Variants in SEPTIN11 observed in about 807,000 individuals in gnomAD.
The protein encoded by SEPTIN11 is septin-11.
SEPTIN11 carries 25 observed loss-of-function variants against 51.4 expected under a neutral mutation model. The observed-to-expected ratio is 0.49, with a 90% CI of 0.35 to 0.68. The LOEUF is 0.68. Ranked by LOEUF, SEPTIN11 falls within the 30% of genes least tolerant of loss-of-function variation. The pLI is 0.00. For missense variants in SEPTIN11, 381 were observed against 520.8 expected, an observed-to-expected ratio of 0.73 and a Z score of 2.61; for synonymous variants, 174 against 184.1, an observed-to-expected ratio of 0.95 and a Z score of 0.44.
At chr4:76,959,249 C>A in intron 1 of SEPTIN11, 2 of 161,136 alleles carry the variant, frequency 1.2e-5, no homozygotes, top group Non-Finnish European at 2.7e-5. Context: ...TTGGACAAGA[C>A]AAGGTTTTTT....
Position 77,038,570 on chromosome 4 carries a change from T to A in SEPTIN11, c.*4058T>A. ...AGATAATCTATGCATATATCACTAG[T>A]GCCAAGACATAAAGCGGGGGAAAAT... On this transcript the variant is annotated 3_prime_UTR_variant, in exon 10 of 10. Coordinates refer to ENST00000264893, the MANE Select transcript of SEPTIN11 (RefSeq NM_018243.4). 1 of 994,520 alleles carries A rather than the reference T, an allele frequency of 1.0e-6. No individual in the cohort carries two copies. The highest frequency in any genetic ancestry group is 1.2e-6 in the Non-Finnish European group (1 of 835,612). The allele number at this position is 994,520 out of a possible 1,614,324, so 61.6% of individuals were successfully genotyped here.
chr4:76,997,732 G>T (rs1286103667), intron 2 of SEPTIN11, among the ~76,000 whole-genome samples: 2 of 152,202 alleles, frequency 1.3e-5, no homozygotes, highest in African/African-American at 2.4e-5. Context: ...ACAGAGTGGC[G>T]TGAATGGGTT....
At chr4:76,949,953 C>T in intron 1 of SEPTIN11, 23 bp downstream of exon 1, 1 of 1,458,734 alleles carries the variant, frequency 6.9e-7, no homozygotes, top group Non-Finnish European at 9.0e-7. Context: ...GCCTCGCCTG[C>T]TGCTCCTCGG....
In SEPTIN11 at chr4:77,019,274, C is replaced by G; in HGVS notation, c.784+13C>G. ...GGTGTGGTGCAGGGTATGTGCACAG[C>G]ATGGGAGATGGAGTCTTCATATTTA... On this transcript the variant is annotated intron_variant, in intron 6 of 9. Coordinates refer to ENST00000264893, the MANE Select transcript of SEPTIN11 (RefSeq NM_018243.4). 1 of 1,593,652 alleles carries G rather than the reference C, an allele frequency of 6.3e-7. No individual in the cohort carries two copies. The highest frequency in any genetic ancestry group is 1.1e-5 in the South Asian group (1 of 87,842).
chr4:76,988,389 A>G (rs1723159517), intron 1 of SEPTIN11, among the ~76,000 whole-genome samples: 1 of 152,206 alleles, frequency 6.6e-6, no homozygotes, highest in African/African-American at 2.4e-5. Flanking sequence ...ACAGTGTTCT[A>G]CCCACACTGG....
rs991859610 is a variant in SEPTIN11 at position 77,024,100 on chromosome 4, G to T, written c.953+3430G>T. 6.6e-6 allele frequency among the ~76,000 whole-genome samples: 1 copy of T among 152,100 alleles called. No homozygotes were observed. The highest frequency in any genetic ancestry group is 2.4e-5 in the African/African-American group (1 of 41,414). The stretch of plus-strand genomic sequence containing the variant: ...AGAGTGACCTCTAACACCAAGTCTA[G>T]TAAGAGGCAGTGCCACTGTGTATGT... On this transcript the variant is annotated intron_variant, in intron 7 of 9. Transcript: ENST00000264893. The surrounding 1 kb of genome is among the most constrained non-coding windows in gnomAD (Gnocchi z 4.2).
intron 2 of SEPTIN11, among the ~76,000 whole-genome samples, chr4:77,002,860 A>G (rs923807559): frequency 1.3e-5 from 2 of 152,130 alleles, no homozygotes; most frequent in African/African-American, 2.4e-5. Flanking sequence ...CTGGAATGAC[A>G]TTCAGGATGT....
At chr4:77,011,469 G>A (rs866078421) in intron 3 of SEPTIN11, among the ~76,000 whole-genome samples, 1 of 147,592 alleles carries the variant, frequency 6.8e-6, no homozygotes, top group African/African-American at 2.5e-5. Context: ...CAGGTTTCTC[G>A]CAGAGGGGCC....
At chr4:77,015,157 T>A in intron 5 of SEPTIN11, 140 bp downstream of exon 5, 1 of 692,862 alleles carries the variant, frequency 1.4e-6, no homozygotes, top group Non-Finnish European at 2.3e-6. Context: ...CCACTTCAAG[T>A]CATTTAACCA....
intron 1 of SEPTIN11, chr4:76,995,743 A>G (rs886812849): frequency 2.1e-5 from 30 of 1,429,094 alleles, no homozygotes; most frequent in Non-Finnish European, 2.7e-5. Flanking sequence ...GCCATATCCT[A>G]TGTGATTTTA....
chr4:76,964,608 A>G (rs1335519936), intron 1 of SEPTIN11, among the ~76,000 whole-genome samples: 1 of 152,204 alleles, frequency 6.6e-6, no homozygotes, highest in Non-Finnish European at 1.5e-5. Context: ...TGGTTTAACA[A>G]AGATAGGTCA....
chr4:76,962,598 T>C (rs1250804876), intron 1 of SEPTIN11, among the ~76,000 whole-genome samples: 2 of 152,240 alleles, frequency 1.3e-5, no homozygotes, highest in Non-Finnish European at 2.9e-5. Flanking sequence ...TTAATTCCTT[T>C]CACACCCTGA....
Position 77,034,714 on chromosome 4 carries a change from C to G in SEPTIN11, c.*202C>G. 1.6e-6 allele frequency: 2 copies of G among 1,277,386 alleles called. No homozygotes were observed. The allele number at this position is 1,277,386 out of a possible 1,614,324, so 79.1% of individuals were successfully genotyped here. On this transcript the variant is annotated 3_prime_UTR_variant, in exon 10 of 10. Transcript: ENST00000264893. Reference sequence around the variant, plus strand: ...GAACAAGGGAATAACCGCGAATGCTCTGTGCAGCTGGACTCTGTTTCCGGA... The same window carrying G: ...GAACAAGGGAATAACCGCGAATGCTGTGTGCAGCTGGACTCTGTTTCCGGA...
intron 3 of SEPTIN11, 122 bp from the exon 4 acceptor site, chr4:77,011,613 G>A: frequency 1.2e-6 from 1 of 823,404 alleles, no homozygotes; most frequent in South Asian, 1.7e-5. Context: ...TGGAAGGCCT[G>A]GATACCTAGG....
At position 77,038,508 on chromosome 4, in the gene SEPTIN11, G is replaced by A. The variant is rs138383078; in HGVS notation, c.*3996G>A. ...AAGTGATCACTTAGCAACATGCTTGGTAATTTGGCATCTGTTAAGGTAGGA... is the reference window on the plus strand; with the variant it reads ...AAGTGATCACTTAGCAACATGCTTGATAATTTGGCATCTGTTAAGGTAGGA... On this transcript the variant is annotated 3_prime_UTR_variant, in exon 10 of 10. Coordinates refer to ENST00000264893, the MANE Select transcript of SEPTIN11 (RefSeq NM_018243.4). The A allele has an allele frequency of 5.8e-4, 576 of 985,904 alleles. 3 individuals are homozygous for A. In the African/African-American group the frequency reaches 9.4e-3, roughly 16 times the overall value. 61.1% of individuals were successfully genotyped at this position (985,904 alleles called of 1,614,324 possible).
intron 2 of SEPTIN11, among the ~76,000 whole-genome samples, chr4:77,002,922 T>C (rs765013290): frequency 6.6e-6 from 1 of 152,212 alleles, no homozygotes; most frequent in Non-Finnish European, 1.5e-5. Context: ...ACTTCATCCC[T>C]GCACCTATGC....
chr4:76,953,453 G>A (rs1179908607), intron 1 of SEPTIN11, among the ~76,000 whole-genome samples: 3 of 152,114 alleles, frequency 2.0e-5, no homozygotes, highest in African/African-American at 7.2e-5. Flanking sequence ...TAAAGATGAG[G>A]GCAGGGAGTG....
intron 2 of SEPTIN11, among the ~76,000 whole-genome samples, chr4:76,997,724 A>G (rs559754918): frequency 9.8e-5 from 15 of 152,350 alleles, no homozygotes; most frequent in African/African-American, 3.6e-4. Context: ...CTAGTTCTAC[A>G]GAGTGGCGTG....
In SEPTIN11 at chr4:76,984,471, C is replaced by T. The variant is rs557612465; in HGVS notation, c.28-11954C>T. 8.7e-4 allele frequency among the ~76,000 whole-genome samples: 132 copies of T among 152,050 alleles called. No individual in the cohort carries two copies. The highest frequency in any genetic ancestry group is 1.6e-3 in the Non-Finnish European group (108 of 68,014). On this transcript the variant is annotated intron_variant, in intron 1 of 9. Coordinates refer to ENST00000264893, the MANE Select transcript of SEPTIN11 (RefSeq NM_018243.4). The surrounding 1 kb of genome is among the most constrained non-coding windows in gnomAD (Gnocchi z 4.1). ...TATCCGGTGATAGAAATGGTGGCAT[C>T]GGGAAGGAAGCGTCCCATCCATATT...
Sources: gnomAD v4.1 joint callset for allele counts (sites outside exome capture counted in the v4.1 genomes callset) on GRCh38, gnomAD v4.1.1 for gene constraint, Gnocchi (gnomAD v3.1) non-coding constraint, MANE v1.5 for transcripts, NCBI Gene and HGNC (gene_info 2026-07-23, HGNC 2026-07-21) for gene names.